Variants in PPP1R13B observed in about 807,000 individuals in gnomAD.
The protein encoded by PPP1R13B is apoptosis-stimulating of p53 protein 1.
In PPP1R13B, 44 loss-of-function variants were observed where a neutral mutation model predicts 119.8. That is an observed-to-expected ratio of 0.37 (90% CI 0.29 to 0.47). The LOEUF is 0.47. PPP1R13B is among the 20% of genes least tolerant of loss of function. PPP1R13B has a pLI of 0.99. For missense variants in PPP1R13B, 1,227 were observed against 1,413.5 expected (o/e 0.87, Z 2.12); for synonymous variants, 542 against 561.5 (o/e 0.97, Z 0.49).
intron 2 of PPP1R13B, among the ~76,000 whole-genome samples, chr14:103,792,094 A>G (rs2085634820): frequency 6.6e-6 from 1 of 152,172 alleles, no homozygotes; most frequent in South Asian, 2.1e-4. Flanking sequence ...GTCTGAACAT[A>G]ACCTAATAAA....
Position 103,791,114 on chromosome 14 carries a change from C to T in PPP1R13B, c.158-6200G>A, listed in dbSNP as rs1021098914. Among the ~76,000 whole-genome samples, 64 of 117,320 alleles carry T rather than the reference C, an allele frequency of 5.5e-4. No individual in the cohort carries two copies. The East Asian group carries it at 0.014, about 26-fold the overall frequency. The allele number at this position is 117,320 out of a possible 152,430, so 77.0% of individuals were successfully genotyped here. On this transcript the variant is annotated intron_variant, in intron 2 of 16. Coordinates refer to ENST00000202556, the MANE Select transcript of PPP1R13B (RefSeq NM_015316.3). The stretch of plus-strand genomic sequence containing the variant: ...AATATAATGCACATTATGCTGCTGA[C>T]TTTTTTCTTCTTTTTTTTTTTTTAA...
intron 1 of PPP1R13B, among the ~76,000 whole-genome samples, chr14:103,831,487 T>C (rs1285102269): frequency 2.7e-5 from 4 of 150,596 alleles, no homozygotes; most frequent in Non-Finnish European, 5.9e-5. Context: ...ATTTTTGTAT[T>C]TTTAGTACCG....
chr14:103,817,235 A>C (rs980865299), intron 1 of PPP1R13B, among the ~76,000 whole-genome samples: 1 of 152,196 alleles, frequency 6.6e-6, no homozygotes, highest in Non-Finnish European at 1.5e-5. Context: ...GAAACAAGAC[A>C]GACCACCGTT....
At chr14:103,747,280 G>A (rs948887061) in intron 8 of PPP1R13B, 4 of 152,290 alleles carry the variant, frequency 2.6e-5, no homozygotes, top group South Asian at 4.1e-4. Context: ...AGGTCATTTC[G>A]GGGTGAGGGG....
At chr14:103,799,783 C>T (rs969503711) in intron 1 of PPP1R13B, among the ~76,000 whole-genome samples, 1 of 151,862 alleles carries the variant, frequency 6.6e-6, no homozygotes, top group Non-Finnish European at 1.5e-5. Context: ...CATGGTGGCT[C>T]ACATCTATAA....
intron 1 of PPP1R13B, among the ~76,000 whole-genome samples, chr14:103,812,038 C>A: frequency 8.6e-6 from 1 of 116,192 alleles, no homozygotes; most frequent in Non-Finnish European, 1.6e-5. Flanking sequence ...CCACCCTGGG[C>A]GACAGAGCCA....
chr14:103,776,464 G>C (rs938696704), intron 4 of PPP1R13B, among the ~76,000 whole-genome samples: 6 of 152,110 alleles, frequency 3.9e-5, no homozygotes, highest in Non-Finnish European at 8.8e-5. Flanking sequence ...GCTAAACATG[G>C]GCCAGTCACA....
chr14:103,811,560 G>A (rs531100396), intron 1 of PPP1R13B, among the ~76,000 whole-genome samples: 2 of 152,084 alleles, frequency 1.3e-5, no homozygotes, highest in South Asian at 2.1e-4. Flanking sequence ...TAGTAGTGCA[G>A]GCCTGTAGTC....
chr14:103,742,027 T>C lies in PPP1R13B; in HGVS notation c.1585A>G (p.Thr529Ala), dbSNP rs1595710836. The C allele has an allele frequency of 6.2e-7, 1 of 1,614,108 alleles. No homozygotes were observed. The highest frequency in any genetic ancestry group is 1.7e-5 in the Admixed American group (1 of 60,010). ...GCAGGTGGTCCCGCTGGCGGGTACGTGGGACTTGGCGGTACGGAAATCCTC... is the reference window on the plus strand; with the variant it reads ...GCAGGTGGTCCCGCTGGCGGGTACGCGGGACTTGGCGGTACGGAAATCCTC... ...QQRISVPPSP[T>A]YPPAGPPAFP... Residue 529 changes from threonine (T) to alanine (A), a missense_variant, in exon 11 of 17, where the codon ACG (threonine) becomes GCG (alanine). Transcript: ENST00000202556. The surrounding 1 kb of genome is among the most constrained non-coding windows in gnomAD (Gnocchi z 4.9).
In PPP1R13B at chr14:103,835,851, C is replaced by T. The variant is rs188548134; in HGVS notation, c.9+11448G>A. Reference sequence around the variant, plus strand: ...GTCTCGATCTCATGACCTCGTGATCCGCCTGCCTCGGCCTCCCAAAGTGCG... The same window carrying T: ...GTCTCGATCTCATGACCTCGTGATCTGCCTGCCTCGGCCTCCCAAAGTGCG... On this transcript the variant is annotated intron_variant, in intron 1 of 16. Transcript: ENST00000202556. 4.4e-3 allele frequency among the ~76,000 whole-genome samples: 671 copies of T among 152,052 alleles called. 4 individuals are homozygous for T. Among genetic ancestry groups the T allele is most frequent in the Middle Eastern group, 0.014 (4 of 294 alleles).
intron 4 of PPP1R13B, among the ~76,000 whole-genome samples, chr14:103,762,030 C>G (rs2084819207): frequency 6.6e-6 from 1 of 152,214 alleles, no homozygotes; most frequent in Non-Finnish European, 1.5e-5. Context: ...TGCACATGTG[C>G]TGGCTCTACC....
In PPP1R13B at chr14:103,794,628, A is replaced by C. The variant is rs938402469; in HGVS notation, c.157+2743T>G. The C allele has an allele frequency of 3.4e-5, 15 of 446,944 alleles. No homozygotes were observed. The Admixed American group carries it at 3.6e-4, about 11-fold the overall frequency. The allele number at this position is 446,944 out of a possible 1,614,324, so 27.7% of individuals were successfully genotyped here. ...CAAGAGTGAGCCACAGTGCCCGGCC[A>C]GGTGCAGTAAGTTTTATGTGAGGGT... On this transcript the variant is annotated intron_variant, in intron 2 of 16. Transcript: ENST00000202556.
chr14:103,740,212 C>A lies in PPP1R13B; in HGVS notation c.2204G>T (p.Gly735Val), dbSNP rs757395634. 3.7e-6 allele frequency: 6 copies of A among 1,613,594 alleles called. No homozygotes were observed. The African/African-American group carries it at 8.0e-5, about 22-fold the overall frequency. Reference sequence around the variant, plus strand: ...GTAGAAAGGGGTGCCCTCCATGCCACCGGCCAGGGTGTTGAAGCGCTGGTA... The same window carrying A: ...GTAGAAAGGGGTGCCCTCCATGCCAACGGCCAGGGTGTTGAAGCGCTGGTA... ...LLYQRFNTLA[G>V]GMEGTPFYQP... Residue 735 changes from glycine to valine, a missense_variant, in exon 12 of 17, where the codon GGT becomes GTT. By Grantham distance (109) the Gly-to-Val change is moderately radical. Transcript: ENST00000202556. This position sits in a 1 kb window ranked among gnomAD's most constrained non-coding sequence, Gnocchi z 4.6.
chr14:103,805,020 A>C (rs1181048934), intron 1 of PPP1R13B, among the ~76,000 whole-genome samples: 2 of 152,098 alleles, frequency 1.3e-5, no homozygotes, highest in Non-Finnish European at 2.9e-5. Context: ...TATTTTCAGT[A>C]GAGATGGGGT....
Position 103,736,083 on chromosome 14 carries a change from G to A in PPP1R13B, c.3151C>T (p.Arg1051Cys), listed in dbSNP as rs776102416. Reference sequence around the variant, plus strand: ...CACTCAGTCTCGCTTTCGTCCTTGCGCCTCAGGATGGTGAGGGCGTCCCCT... The same window carrying A: ...CACTCAGTCTCGCTTTCGTCCTTGCACCTCAGGATGGTGAGGGCGTCCCCT... ...HEGDALTILRRKDESETEWWW... is the reference protein window; with the variant it reads ...HEGDALTILRCKDESETEWWW... Residue 1051 changes from arginine (R) to cysteine (C), a missense_variant, in exon 16 of 17, where the codon CGC becomes TGC. Physicochemically the swap from Arg to Cys is radical, Grantham distance 180. Coordinates refer to ENST00000202556, the MANE Select transcript of PPP1R13B (RefSeq NM_015316.3). 4.0e-5 allele frequency: 64 copies of A among 1,614,098 alleles called. No individual in the cohort carries two copies. The highest frequency in any genetic ancestry group is 6.7e-5 in the African/African-American group (5 of 74,938).
intron 1 of PPP1R13B, among the ~76,000 whole-genome samples, chr14:103,814,697 G>A (rs1254202876): frequency 2.6e-5 from 4 of 152,104 alleles, no homozygotes; most frequent in African/African-American, 9.7e-5. Flanking sequence ...TGTAATCCCA[G>A]CACTTTGGGA....
chr14:103,755,426 A>C (rs539884032), intron 5 of PPP1R13B, among the ~76,000 whole-genome samples: 1 of 152,362 alleles, frequency 6.6e-6, no homozygotes, highest in Admixed American at 6.5e-5. Flanking sequence ...TTCAATAAGG[A>C]AACATTTTAG....
In PPP1R13B at chr14:103,836,194, C is replaced by T. The variant is rs189942193; in HGVS notation, c.9+11105G>A. On this transcript the variant is annotated intron_variant, in intron 1 of 16. Coordinates refer to ENST00000202556, the MANE Select transcript of PPP1R13B (RefSeq NM_015316.3). ...CCAAATAGCTGAGATTACAGGCGCC[C>T]GCCACCACACCTGGCTGATTTTTAT... Among the ~76,000 whole-genome samples, 860 of 151,690 alleles carry T rather than the reference C, an allele frequency of 5.7e-3. 10 individuals carry two copies. The highest frequency in any genetic ancestry group is 0.02 in the African/African-American group (828 of 41,380).
At chr14:103,753,698 G>A (rs1269108075) in intron 6 of PPP1R13B, among the ~76,000 whole-genome samples, 1 of 152,160 alleles carries the variant, frequency 6.6e-6, no homozygotes, top group Non-Finnish European at 1.5e-5. Context: ...AGGGCCGCTG[G>A]TACCAACGTA....
Sources: gnomAD v4.1 joint callset for allele counts (sites outside exome capture counted in the v4.1 genomes callset) on GRCh38, gnomAD v4.1.1 for gene constraint, Gnocchi (gnomAD v3.1) non-coding constraint, MANE v1.5 for transcripts, NCBI Gene and HGNC (gene_info 2026-07-23, HGNC 2026-07-21) for gene names.